RAPGEF6: variants seen among roughly 807,000 people sequenced by gnomAD.
The protein encoded by RAPGEF6 is PDZ domain containing guanine nucleotide exchange factor (GEF) 2.
RAPGEF6 carries 56 observed loss-of-function variants against 171.4 expected under a neutral mutation model. The observed-to-expected ratio is 0.33, with a 90% CI of 0.26 to 0.41. RAPGEF6 has a LOEUF of 0.41. Ranked by LOEUF, RAPGEF6 falls within the 10% of genes least tolerant of loss-of-function variation. The pLI, the probability that RAPGEF6 is intolerant of heterozygous loss-of-function variation, is 1.00. For missense variants in RAPGEF6, 1,674 were observed against 1,921.4 expected (o/e 0.87, Z 2.41); for synonymous variants, 692 against 650.1 (o/e 1.06, Z -0.98).
At chr5:131,606,364 GAAA>G (rs11357225) in intron 1 of RAPGEF6, among the ~76,000 whole-genome samples, 6 of 113,188 alleles carry the variant, frequency 5.3e-5, no homozygotes, top group Admixed American at 9.1e-5. Flanking sequence ...CATCTCAAGG[GAAA>G]AAAAAAAAAA....
chr5:131,428,538 G>A (rs2149803167), intron 27 of RAPGEF6, among the ~76,000 whole-genome samples: 1 of 151,288 alleles, frequency 6.6e-6, no homozygotes, highest in East Asian at 2.0e-4. Context: ...TTGGCTCACT[G>A]CAATCTCTGC....
At chr5:131,488,028 G>A (rs1484530544) in intron 15 of RAPGEF6, among the ~76,000 whole-genome samples, 1 of 152,088 alleles carries the variant, frequency 6.6e-6, no homozygotes, top group East Asian at 1.9e-4. Flanking sequence ...CTAAACATGA[G>A]GTATTTAGCT....
intron 16 of RAPGEF6, 56 bp from the exon 17 acceptor site, chr5:131,472,800 A>T: frequency 1.3e-6 from 2 of 1,481,634 alleles, no homozygotes; most frequent in Non-Finnish European, 1.9e-6. Context: ...TAAGTAGTAA[A>T]CGTTTCTGTT....
chr5:131,580,516 G>A lies in RAPGEF6; in HGVS notation c.281+11867C>T, dbSNP rs557102573. 1.3e-4 allele frequency among the ~76,000 whole-genome samples: 20 copies of A among 152,302 alleles called. No individual in the cohort carries two copies. In the East Asian group the frequency reaches 1.9e-3, roughly 15 times the overall value. On this transcript the variant is annotated intron_variant, in intron 4 of 27. Coordinates refer to ENST00000509018, the MANE Select transcript of RAPGEF6 (RefSeq NM_016340.6). The stretch of plus-strand genomic sequence containing the variant: ...CGGCGGGCTGAAGGGCTCCTCAAGC[G>A]TGGCCAGAGCAGATGCCGAGGAGGC...
intron 6 of RAPGEF6, among the ~76,000 whole-genome samples, chr5:131,527,052 T>C (rs911351474): frequency 4.6e-5 from 7 of 152,086 alleles, no homozygotes; most frequent in African/African-American, 1.4e-4. Context: ...AGAGCTACTA[T>C]AGGTTTCTGG....
chr5:131,535,600 T>C (rs3822311), intron 6 of RAPGEF6, among the ~76,000 whole-genome samples: 5,443 of 152,236 alleles, frequency 0.036, 121 homozygotes, highest in East Asian at 0.11. Flanking sequence ...ATGAAATCTT[T>C]AGCTTTAGAA....
rs116083912 is a variant in RAPGEF6, at chr5:131,527,403, T to C, written c.496-5882A>G. On this transcript the variant is annotated intron_variant, in intron 6 of 27. Coordinates refer to ENST00000509018, the MANE Select transcript of RAPGEF6 (RefSeq NM_016340.6). ...CCCCATCAAATTGGCAAAAAACAAG[T>C]ATGATAATACAAAATGCAGGAAAAA... Among the ~76,000 whole-genome samples the C allele has an allele frequency of 7.3e-3, 1,118 of 152,150 alleles. 8 individuals carry two copies. Among genetic ancestry groups the C allele is most frequent in the African/African-American group, 0.025 (1,035 of 41,500 alleles).
intron 15 of RAPGEF6, among the ~76,000 whole-genome samples, chr5:131,486,005 A>G (rs952342858): frequency 1.3e-5 from 2 of 152,134 alleles, no homozygotes; most frequent in Non-Finnish European, 2.9e-5. Flanking sequence ...TAAAGAACAT[A>G]TTTATTTTCT....
rs534281931 is a variant in RAPGEF6, at chr5:131,442,077, G to A, written c.3610+272C>T. 1.4e-4 allele frequency among the ~76,000 whole-genome samples: 22 copies of A among 152,326 alleles called. No individual in the cohort carries two copies. The East Asian group carries it at 1.7e-3, about 12-fold the overall frequency. ...TTCATTAAATACACCTCTGAATGCAGTAAGCCCTTGGTACCCAAAATGTAT... is the reference window on the plus strand; with the variant it reads ...TTCATTAAATACACCTCTGAATGCAATAAGCCCTTGGTACCCAAAATGTAT... On this transcript the variant is annotated intron_variant, in intron 23 of 27. Transcript: ENST00000509018.
At chr5:131,479,900 C>CT in intron 15 of RAPGEF6, 147 bp from the exon 16 acceptor site, 1 of 740,032 alleles carries the variant, frequency 1.4e-6, no homozygotes, top group Non-Finnish European at 2.1e-6. Context: ...AGTATTTACC[C>CT]GTCCTTTAGC....
intron 17 of RAPGEF6, among the ~76,000 whole-genome samples, chr5:131,469,593 T>A (rs981112448): frequency 5.3e-5 from 8 of 152,226 alleles, no homozygotes; most frequent in Middle Eastern, 6.8e-3. Flanking sequence ...ATAGCATGTA[T>A]ACTGATTCCA....
At chr5:131,628,707 A>G (rs919263661) in intron 1 of RAPGEF6, among the ~76,000 whole-genome samples, 2 of 152,204 alleles carry the variant, frequency 1.3e-5, no homozygotes, top group African/African-American at 4.8e-5. Flanking sequence ...CTGTTAGAGG[A>G]TAATGCAGCT....
At chr5:131,631,717 C>A (rs550570632) in intron 1 of RAPGEF6, among the ~76,000 whole-genome samples, 1 of 152,262 alleles carries the variant, frequency 6.6e-6, no homozygotes, top group African/African-American at 2.4e-5. Context: ...GAGGTTGAAG[C>A]AGGAGAATCT....
intron 1 of RAPGEF6, among the ~76,000 whole-genome samples, chr5:131,627,958 G>A (rs1008374832): frequency 2.6e-5 from 4 of 152,162 alleles, no homozygotes; most frequent in African/African-American, 9.7e-5. Context: ...ATGTAAGATG[G>A]CAAACGTAAC....
At chr5:131,510,572 A>C in intron 7 of RAPGEF6, 81 bp from the exon 8 acceptor site, 1 of 1,308,490 alleles carries the variant, frequency 7.6e-7, no homozygotes, top group Non-Finnish European at 1.1e-6. Flanking sequence ...AAAACTACCC[A>C]TCCCTACAAA....
intron 21 of RAPGEF6, 152 bp downstream of exon 21, chr5:131,452,902 T>C: frequency 3.1e-6 from 3 of 970,768 alleles, no homozygotes; most frequent in South Asian, 5.5e-5. Flanking sequence ...GTTATGGTTA[T>C]TAATGATAAA....
chr5:131,470,682 G>C (rs1020810256), intron 17 of RAPGEF6, among the ~76,000 whole-genome samples: 2 of 152,222 alleles, frequency 1.3e-5, no homozygotes, highest in Non-Finnish European at 2.9e-5. Context: ...CACACACACA[G>C]AGACAAAGAA....
intron 1 of RAPGEF6, among the ~76,000 whole-genome samples, chr5:131,633,600 G>A (rs1255508186): frequency 6.6e-6 from 1 of 151,830 alleles, no homozygotes; most frequent in African/African-American, 2.4e-5. Context: ...GCGTGGTGGC[G>A]CCTGCCTGTA....
intron 15 of RAPGEF6, among the ~76,000 whole-genome samples, chr5:131,487,507 C>G (rs1437215039): frequency 6.6e-6 from 1 of 152,114 alleles, no homozygotes; most frequent in Non-Finnish European, 1.5e-5. Context: ...TAGCTAGACA[C>G]AGAGCACTGA....
Sources: allele counts gnomAD v4.1 joint callset (sites outside exome capture counted in the v4.1 genomes callset), GRCh38; gene constraint gnomAD v4.1.1; transcripts MANE v1.5; gene names NCBI Gene and HGNC (gene_info 2026-07-23, HGNC 2026-07-21).